The following ADGRL3 variants were observed in gnomAD, a reference collection of about 807,000 sequenced individuals.
ADGRL3 encodes adhesion G protein-coupled receptor L3.
ADGRL3 carries 62 observed loss-of-function variants against 153.5 expected under a neutral mutation model. The observed-to-expected ratio is 0.40, with a 90% CI of 0.33 to 0.50. ADGRL3 has a LOEUF of 0.50. Ranked by LOEUF, ADGRL3 falls within the 20% of genes least tolerant of loss-of-function variation. The pLI is 0.47. For missense variants in ADGRL3, 1,641 were observed against 1,859.4 expected (o/e 0.88, Z 2.16); for synonymous variants, 710 against 672.5 (o/e 1.06, Z -0.86).
At chr4:61,967,608 C>T (rs1484970001) in intron 17 of ADGRL3, among the ~76,000 whole-genome samples, 1 of 152,162 alleles carries the variant, frequency 6.6e-6, no homozygotes, top group Non-Finnish European at 1.5e-5. Flanking sequence ...TACCCATCCA[C>T]TTTTTATGTA....
At chr4:61,493,056 AATC>A (rs1246215906) in intron 2 of ADGRL3, among the ~76,000 whole-genome samples, 1 of 152,176 alleles carries the variant, frequency 6.6e-6, no homozygotes, top group Non-Finnish European at 1.5e-5. Flanking sequence ...TCAATGGAAA[AATC>A]ATCATAAAAT....
At chr4:61,993,417 G>A (rs1447422437) in intron 19 of ADGRL3, among the ~76,000 whole-genome samples, 2 of 147,362 alleles carry the variant, frequency 1.4e-5, no homozygotes, top group Non-Finnish European at 3.0e-5. Flanking sequence ...TCAGCCTCCC[G>A]ATTAGCTGGG....
At chr4:61,498,037 AT>A (rs1401646565) in intron 3 of ADGRL3, among the ~76,000 whole-genome samples, 2 of 152,180 alleles carry the variant, frequency 1.3e-5, no homozygotes, top group African/African-American at 4.8e-5. Context: ...TTAAAAAAAC[AT>A]TTTTAATGTA....
intron 1 of ADGRL3, among the ~76,000 whole-genome samples, chr4:61,268,742 A>G (rs535375345): frequency 7.3e-5 from 11 of 151,702 alleles, no homozygotes; most frequent in Non-Finnish European, 1.5e-4. Flanking sequence ...TAAACCTGTA[A>G]TGCATCATTT....
chr4:62,046,651 G>A (rs1016651614), intron 25 of ADGRL3, among the ~76,000 whole-genome samples: 11 of 151,924 alleles, frequency 7.2e-5, no homozygotes, highest in African/African-American at 2.7e-4. Context: ...ACTTTGTGTA[G>A]AGAATTAAAT....
chr4:61,719,620 T>TTA (rs1303049392), intron 6 of ADGRL3, among the ~76,000 whole-genome samples: 1 of 151,178 alleles, frequency 6.6e-6, no homozygotes, highest in Non-Finnish European at 1.5e-5. Context: ...TTTTTTTTTT[T>TTA]AAGACAGAGT....
At chr4:61,797,549 A>G (rs2097429679) in intron 8 of ADGRL3, among the ~76,000 whole-genome samples, 1 of 152,224 alleles carries the variant, frequency 6.6e-6, no homozygotes, top group South Asian at 2.1e-4. Context: ...AATAGTTCAC[A>G]GAAAGTTTAG....
At chr4:62,044,378 A>G in intron 24 of ADGRL3, 75 bp from the exon 25 acceptor site, 1 of 992,712 alleles carries the variant, frequency 1.0e-6, no homozygotes, top group Non-Finnish European at 1.6e-6. Flanking sequence ...ATTATGACAG[A>G]AAAGAAAAGA....
chr4:62,000,471 A>T (rs978385246), intron 21 of ADGRL3, among the ~76,000 whole-genome samples: 2 of 152,178 alleles, frequency 1.3e-5, no homozygotes, highest in East Asian at 3.9e-4. Context: ...AAAAATCAAT[A>T]ATTATATTTA....
At chr4:61,857,781 T>C (rs1473105221) in intron 9 of ADGRL3, among the ~76,000 whole-genome samples, 1 of 152,026 alleles carries the variant, frequency 6.6e-6, no homozygotes, top group Non-Finnish European at 1.5e-5. Context: ...CAAGCTGAAG[T>C]GCAGTGGTGC....
chr4:61,983,263 G>A (rs2099074689), intron 18 of ADGRL3, 120 bp from the exon 19 acceptor site: 1 of 672,074 alleles, frequency 1.5e-6, no homozygotes, highest in South Asian at 2.0e-5. Context: ...TCTTCCCTAG[G>A]TTATTATTTT....
Position 61,378,570 on chromosome 4 carries a change from A to G in ADGRL3, c.-239-4554A>G, listed in dbSNP as rs796232565. On this transcript the variant is annotated intron_variant, in intron 1 of 26. Coordinates refer to ENST00000683033, the MANE Select transcript of ADGRL3 (RefSeq NM_001387552.1). The stretch of plus-strand genomic sequence containing the variant: ...GAACAAGTGTACAGGGGATCACATT[A>G]GCTGACAAGCCACTCTGTTCAGAAT... 5.9e-5 allele frequency among the ~76,000 whole-genome samples: 9 copies of G among 152,144 alleles called. 1 individual carries two copies. Among genetic ancestry groups the G allele is most frequent in the African/African-American group, 2.2e-4 (9 of 41,530 alleles).
chr4:62,013,905 T>TTTTG (rs1553910559), intron 21 of ADGRL3, among the ~76,000 whole-genome samples: 1 of 151,430 alleles, frequency 6.6e-6, no homozygotes, highest in African/African-American at 2.4e-5. Flanking sequence ...AAAATTTTTT[T>TTTTG]TTTGTTTGTT....
intron 2 of ADGRL3, among the ~76,000 whole-genome samples, chr4:61,456,880 G>C (rs907476682): frequency 6.6e-6 from 1 of 151,904 alleles, no homozygotes; most frequent in African/African-American, 2.4e-5. Context: ...TTTGAGGTTT[G>C]ATACTGGTAC....
chr4:61,967,576 G>C (rs995285016), intron 17 of ADGRL3, among the ~76,000 whole-genome samples: 1 of 152,092 alleles, frequency 6.6e-6, no homozygotes, highest in African/African-American at 2.4e-5. Flanking sequence ...TAGACTTGTA[G>C]GAATTCCCAG....
intron 6 of ADGRL3, among the ~76,000 whole-genome samples, chr4:61,713,476 T>C (rs2096043506): frequency 1.3e-5 from 2 of 152,058 alleles, no homozygotes; most frequent in African/African-American, 4.8e-5. Flanking sequence ...TTAATCGCCC[T>C]TGATCTAATT....
chr4:61,939,472 TTTC>T (rs1459191201), intron 15 of ADGRL3, among the ~76,000 whole-genome samples: 16 of 151,168 alleles, frequency 1.1e-4, no homozygotes, highest in African/African-American at 3.9e-4. Flanking sequence ...AGTTTTTTTT[TTTC>T]TTTTTTTTTT....
chr4:61,825,789 CAT>C (rs2097794878), intron 9 of ADGRL3, among the ~76,000 whole-genome samples: 1 of 152,106 alleles, frequency 6.6e-6, no homozygotes, highest in Non-Finnish European at 1.5e-5. Flanking sequence ...TTATTCATGA[CAT>C]GTGGTCCAAT....
At chr4:61,784,761 G>A (rs2097257958) in intron 8 of ADGRL3, among the ~76,000 whole-genome samples, 1 of 152,074 alleles carries the variant, frequency 6.6e-6, no homozygotes. Flanking sequence ...GGATGCCTGT[G>A]TTGGTATGAA....
Sources: gnomAD v4.1 joint callset for allele counts (sites outside exome capture counted in the v4.1 genomes callset) on GRCh38, gnomAD v4.1.1 for gene constraint, MANE v1.5 for transcripts, NCBI Gene and HGNC (gene_info 2026-07-23, HGNC 2026-07-21) for gene names.